The following ITPKB variants were observed in gnomAD, a reference collection of about 807,000 sequenced individuals.
ITPKB encodes IP3 3-kinase B.
ITPKB carries 13 observed loss-of-function variants against 69.4 expected under a neutral mutation model. The observed-to-expected ratio is 0.19, with a 90% confidence interval of 0.12 to 0.30. The LOEUF is 0.30. Ranked by LOEUF, ITPKB falls within the 10% of genes least tolerant of loss-of-function variation. The pLI is 1.00. For synonymous variants in ITPKB, 584 were observed against 513.7 expected (o/e 1.14, Z -1.85); for missense variants, 1,240 against 1,250.5 (o/e 0.99, Z 0.13).
chr1:226,737,820 G>C (rs1004223061), intron 1 of ITPKB, among the ~76,000 whole-genome samples, 157 bp from the exon 2 acceptor site: 5 of 152,124 alleles, frequency 3.3e-5, no homozygotes, highest in African/African-American at 1.2e-4. Context: ...GCTCGGCGAG[G>C]GCATGCCCCG....
intron 2 of ITPKB, among the ~76,000 whole-genome samples, chr1:226,673,553 A>G (rs1457661953): frequency 6.6e-6 from 1 of 152,192 alleles, no homozygotes; most frequent in Non-Finnish European, 1.5e-5. Context: ...CTGCAGCCAA[A>G]AAGTCTCAAC....
intron 2 of ITPKB, among the ~76,000 whole-genome samples, chr1:226,687,084 TGG>T (rs1362239191): frequency 6.6e-6 from 1 of 152,218 alleles, no homozygotes; most frequent in Non-Finnish European, 1.5e-5. Context: ...TTTGCTGCCT[TGG>T]GTCTCTAGTA....
chr1:226,697,638 C>T (rs1656524922), intron 2 of ITPKB, among the ~76,000 whole-genome samples: 2 of 152,226 alleles, frequency 1.3e-5, no homozygotes, highest in Admixed American at 1.3e-4. Flanking sequence ...CAGTCCCAAG[C>T]ACTCTGCTGA....
chr1:226,639,164 T>C (rs1668900195), intron 6 of ITPKB, among the ~76,000 whole-genome samples: 1 of 150,680 alleles, frequency 6.6e-6, no homozygotes, highest in African/African-American at 2.4e-5. Flanking sequence ...TTCAAGTGAC[T>C]CTCCTGTCTC....
chr1:226,645,195 AG>A (rs1398010125), intron 4 of ITPKB, among the ~76,000 whole-genome samples: 4 of 152,222 alleles, frequency 2.6e-5, no homozygotes, highest in Non-Finnish European at 4.4e-5. Flanking sequence ...TGGAACAAGA[AG>A]GGTCCTTAGG....
intron 2 of ITPKB, among the ~76,000 whole-genome samples, chr1:226,705,472 T>C (rs1377833779): frequency 5.4e-5 from 8 of 147,974 alleles, no homozygotes; most frequent in African/African-American, 1.3e-4. Context: ...GAGGTTGCGG[T>C]GAGCCAAGAT....
At chr1:226,649,910 G>A (rs1419058180) in intron 2 of ITPKB, among the ~76,000 whole-genome samples, 2 of 151,944 alleles carry the variant, frequency 1.3e-5, no homozygotes, top group Admixed American at 6.6e-5. Flanking sequence ...ATAAGAACAG[G>A]CTGCAGAGAT....
In ITPKB at chr1:226,735,756, G is replaced by A. The variant is rs1435590368; in HGVS notation, c.1703C>T (p.Ala568Val). 2 of 1,597,132 alleles carry A rather than the reference G, an allele frequency of 1.3e-6. No individual in the cohort carries two copies. Among genetic ancestry groups the A allele is most frequent in the Non-Finnish European group, 1.7e-6 (2 of 1,167,708 alleles). ...RKACSPSNIPAVIITDMGTQE... is the reference protein window; with the variant it reads ...RKACSPSNIPVVIITDMGTQE... The stretch of plus-strand genomic sequence containing the variant: ...GGTGCCCATGTCTGTAATGATGACA[G>A]CAGGTATGTTGCTGGGGCTGCAGGC... The change falls in exon 2 of 8, where the codon GCT (alanine) becomes GTT (valine). Residue 568 changes from alanine to valine, a missense_variant. Ala to Val is a moderately conservative substitution (Grantham distance 64, BLOSUM62 0). Around this residue, in one of 2 missense-constraint regions of ITPKB, gnomAD observed 992 missense variants for 853.8 expected, o/e 1.16. Coordinates refer to ENST00000429204, the MANE Select transcript of ITPKB (RefSeq NM_002221.4).
chr1:226,713,682 A>G (rs79844217), intron 2 of ITPKB, among the ~76,000 whole-genome samples: 4,566 of 152,304 alleles, frequency 0.03, 232 homozygotes, highest in African/African-American at 0.11. Flanking sequence ...ACTCAGCCCC[A>G]TAAATTCAGA....
At chr1:226,636,084 T>C (rs138312378) in intron 7 of ITPKB, among the ~76,000 whole-genome samples, 4 of 152,336 alleles carry the variant, frequency 2.6e-5, no homozygotes, top group African/African-American at 9.6e-5. Flanking sequence ...TAGAACAAAA[T>C]GCTTTTCCAA....
intron 2 of ITPKB, among the ~76,000 whole-genome samples, chr1:226,725,726 G>A (rs1013000449): frequency 2.0e-5 from 3 of 152,140 alleles, no homozygotes; most frequent in East Asian, 1.9e-4. Flanking sequence ...GCCCACTGAC[G>A]AATGGGCAAA....
intron 2 of ITPKB, among the ~76,000 whole-genome samples, chr1:226,734,186 G>A (rs1657677366): frequency 6.6e-6 from 1 of 152,238 alleles, no homozygotes; most frequent in Non-Finnish European, 1.5e-5. Flanking sequence ...CTGACAGCAG[G>A]TGCATAATGC....
rs373148743 is a variant in ITPKB at position 226,735,766 on chromosome 1, T to G, written c.1693A>C (p.Asn565His). ...PFLRKACSPSNIPAVIITDMG... is the reference protein window; with the variant it reads ...PFLRKACSPSHIPAVIITDMG... ...TCTGTAATGATGACAGCAGGTATGT[T>G]GCTGGGGCTGCAGGCCTTCCTCAGG... The change falls in exon 2 of 8, where the codon AAC (asparagine) becomes CAC (histidine). Residue 565 changes from asparagine to histidine, a missense_variant. Asn to His is a moderately conservative substitution (Grantham distance 68). Around this residue, in one of 2 missense-constraint regions of ITPKB, gnomAD observed 992 missense variants for 853.8 expected, o/e 1.16. Coordinates refer to ENST00000429204, the MANE Select transcript of ITPKB (RefSeq NM_002221.4). The G allele has an allele frequency of 1.3e-6, 2 of 1,599,054 alleles. No individual in the cohort carries two copies. Among genetic ancestry groups the G allele is most frequent in the African/African-American group, 2.7e-5 (2 of 74,636 alleles).
intron 2 of ITPKB, among the ~76,000 whole-genome samples, chr1:226,709,929 G>A (rs1364785587): frequency 1.3e-5 from 2 of 152,132 alleles, no homozygotes; most frequent in African/African-American, 4.8e-5. Flanking sequence ...TTGCTTTATG[G>A]TTCCCTGTCT....
At position 226,642,336 on chromosome 1, in the gene ITPKB, A is replaced by T. The variant is rs1157711690; in HGVS notation, c.2247-211T>A. Among the ~76,000 whole-genome samples, 1 of 150,272 alleles carries T rather than the reference A, an allele frequency of 6.7e-6. No homozygotes were observed. The highest frequency in any genetic ancestry group is 1.5e-5 in the Non-Finnish European group (1 of 67,544). ...CTAATTTTTCTTTTCTTTTTTTTTT[A>T]GACAATTTTTTTAGTAGATAAGGGA... On this transcript the variant is annotated intron_variant, in intron 4 of 7. Coordinates refer to ENST00000429204, the MANE Select transcript of ITPKB (RefSeq NM_002221.4). This position sits in a 1 kb window ranked among gnomAD's most constrained non-coding sequence, Gnocchi z 6.4.
intron 2 of ITPKB, chr1:226,668,969 C>T (rs1558080154): frequency 6.6e-6 from 1 of 152,114 alleles, no homozygotes; most frequent in African/African-American, 2.4e-5. Flanking sequence ...CCCTGCCCCC[C>T]TTTTTTTATT....
chr1:226,707,436 A>T (rs986356595), intron 2 of ITPKB: 6 of 608,476 alleles, frequency 9.9e-6, no homozygotes, highest in Middle Eastern at 8.5e-4. Context: ...ACCTCAGGTG[A>T]TCCGCCCGCC....
Position 226,737,557 on chromosome 1 carries a change from G to C in ITPKB, c.-99C>G. 8.1e-7 allele frequency: 1 copy of C among 1,229,172 alleles called. No homozygotes were observed. The highest frequency in any genetic ancestry group is 1.0e-6 in the Non-Finnish European group (1 of 987,878). The allele number at this position is 1,229,172 out of a possible 1,614,324, so 76.1% of individuals were successfully genotyped here. On this transcript the variant is annotated 5_prime_UTR_variant, in exon 2 of 8. Coordinates refer to ENST00000429204, the MANE Select transcript of ITPKB (RefSeq NM_002221.4). ...GCTCCCGGCTCAGCCCCGGAGGCCC[G>C]GCAGCCGCGGCTCCGCGCGCAGATG...
chr1:226,700,092 T>G (rs1038978456), intron 2 of ITPKB, among the ~76,000 whole-genome samples: 7 of 152,262 alleles, frequency 4.6e-5, no homozygotes, highest in Admixed American at 1.3e-4. Flanking sequence ...CCCACCCAGA[T>G]TAAGGGTGGG....
Sources: gnomAD v4.1 joint callset for allele counts (sites outside exome capture counted in the v4.1 genomes callset) on GRCh38, gnomAD v4.1.1 for gene constraint, gnomAD v4.1.1 regional missense constraint, Gnocchi (gnomAD v3.1) non-coding constraint, MANE v1.5 for transcripts, NCBI Gene and HGNC (gene_info 2026-07-23, HGNC 2026-07-21) for gene names.